RAD51B: variants seen among roughly 807,000 people sequenced by gnomAD.
RAD51B encodes the protein DNA repair protein RAD51 homolog 2.
A neutral mutation model predicts 42.2 loss-of-function variants in RAD51B; 38 were observed. The observed-to-expected ratio is 0.90, with a 90% CI of 0.70 to 1.18. The LOEUF is 1.18. Ranked by LOEUF, RAD51B falls within the 50% of genes most tolerant of loss-of-function variation. RAD51B has a pLI of 0.00. For synonymous variants in RAD51B, 154 were observed against 145.2 expected, an observed-to-expected ratio of 1.06 and a Z score of -0.43; for missense variants, 373 against 400.7, an observed-to-expected ratio of 0.93 and a Z score of 0.59.
At chr14:68,630,137 T>G (rs1892191459) in intron 10 of RAD51B, among the ~76,000 whole-genome samples, 1 of 151,308 alleles carries the variant, frequency 6.6e-6, no homozygotes, top group Non-Finnish European at 1.5e-5. Context: ...GAGTCTCTTC[T>G]CAGTACAGCC....
At chr14:68,598,451 CAG>C (rs560880976), downstream of RAD51B, among the ~76,000 whole-genome samples, 16 of 152,318 alleles carry the variant, frequency 1.1e-4, no homozygotes, top group East Asian at 2.9e-3. Flanking sequence ...GATAAAATCG[CAG>C]AGTGTCTAAT....
At chr14:68,003,957 A>G (rs1427919524) in intron 7 of RAD51B, among the ~76,000 whole-genome samples, 1 of 152,192 alleles carries the variant, frequency 6.6e-6, no homozygotes, top group Non-Finnish European at 1.5e-5. Flanking sequence ...AAGATAAATC[A>G]TATGGCTTTT....
intron 10 of RAD51B, among the ~76,000 whole-genome samples, chr14:68,601,365 T>C (rs920698174): frequency 2.0e-5 from 3 of 152,148 alleles, no homozygotes; most frequent in Admixed American, 2.0e-4. Context: ...TTTGTGACCT[T>C]GGTTGGCAGC....
At chr14:68,189,342 T>C (rs973800953) in intron 7 of RAD51B, among the ~76,000 whole-genome samples, 3 of 152,118 alleles carry the variant, frequency 2.0e-5, no homozygotes, top group Non-Finnish European at 2.9e-5. Flanking sequence ...TCATCTAGTG[T>C]CTATTTCTTT....
chr14:67,949,710 A>G (rs559758158), intron 7 of RAD51B, among the ~76,000 whole-genome samples: 2 of 152,308 alleles, frequency 1.3e-5, no homozygotes, highest in East Asian at 3.9e-4. Context: ...ATCACAATCT[A>G]TGGCAGAAAT....
At chr14:68,005,046 T>G (rs982132147) in intron 7 of RAD51B, among the ~76,000 whole-genome samples, 13 of 80,278 alleles carry the variant, frequency 1.6e-4, no homozygotes, top group South Asian at 1.4e-3. Flanking sequence ...TGTGTGTGTG[T>G]TTTTTTTTTT....
chr14:68,583,250 G>T, intron 10 of RAD51B, among the ~76,000 whole-genome samples: 1 of 152,330 alleles, frequency 6.6e-6, no homozygotes, highest in African/African-American at 2.4e-5. Flanking sequence ...TTACCTGACA[G>T]GTTTGTCTAC....
At chr14:68,374,087 A>C (rs2083314345) in intron 8 of RAD51B, among the ~76,000 whole-genome samples, 1 of 152,236 alleles carries the variant, frequency 6.6e-6, no homozygotes, top group South Asian at 2.1e-4. Flanking sequence ...AATGAAACTC[A>C]ACAAAGAAAT....
chr14:68,440,679 G>C (rs1463126310), intron 9 of RAD51B, among the ~76,000 whole-genome samples: 1 of 152,044 alleles, frequency 6.6e-6, no homozygotes, highest in Admixed American at 6.5e-5. Context: ...CTGGGAGGTG[G>C]AGGTTGCAGT....
chr14:68,260,477 A>G (rs1262891359), intron 7 of RAD51B, among the ~76,000 whole-genome samples: 1 of 152,134 alleles, frequency 6.6e-6, no homozygotes, highest in Non-Finnish European at 1.5e-5. Flanking sequence ...AGAAATTAAG[A>G]TCCAGACCCA....
At chr14:68,607,623 T>G (rs760805077) in intron 10 of RAD51B, among the ~76,000 whole-genome samples, 4 of 151,388 alleles carry the variant, frequency 2.6e-5, no homozygotes, top group Non-Finnish European at 4.4e-5. Flanking sequence ...GTTACAACTT[T>G]GCTCCTGGAT....
At chr14:68,662,604 A>T (rs1023520308) in intron 11 of RAD51B, among the ~76,000 whole-genome samples, 2 of 152,114 alleles carry the variant, frequency 1.3e-5, no homozygotes, top group Non-Finnish European at 2.9e-5. Flanking sequence ...CCTTGTTCTC[A>T]AGAGAGCCAT....
intron 4 of RAD51B, among the ~76,000 whole-genome samples, chr14:67,863,479 G>A (rs1254149119): frequency 6.6e-6 from 1 of 152,004 alleles, no homozygotes; most frequent in Non-Finnish European, 1.5e-5. Flanking sequence ...TCAAATCTGA[G>A]AACCACATAT....
At chr14:68,192,910 G>T (rs1358155823) in intron 7 of RAD51B, among the ~76,000 whole-genome samples, 1 of 152,120 alleles carries the variant, frequency 6.6e-6, no homozygotes, top group Non-Finnish European at 1.5e-5. Context: ...TTAGTGATAG[G>T]TTATATTTTC....
At chr14:68,224,250 T>A (rs1011403381) in intron 7 of RAD51B, among the ~76,000 whole-genome samples, 2 of 152,238 alleles carry the variant, frequency 1.3e-5, no homozygotes, top group African/African-American at 4.8e-5. Flanking sequence ...TAAAATTGCA[T>A]GACTCTGTTA....
At chr14:68,329,731 C>T (rs1448190074) in intron 8 of RAD51B, among the ~76,000 whole-genome samples, 2 of 152,010 alleles carry the variant, frequency 1.3e-5, no homozygotes, top group Non-Finnish European at 2.9e-5. Flanking sequence ...CCTATAATCC[C>T]AGCACTTTGG....
At chr14:68,209,616 C>A (rs958309923) in intron 7 of RAD51B, among the ~76,000 whole-genome samples, 3 of 152,142 alleles carry the variant, frequency 2.0e-5, no homozygotes, top group Non-Finnish European at 4.4e-5. Flanking sequence ...CTGAAAAATG[C>A]ACCAGTCCAC....
intron 8 of RAD51B, among the ~76,000 whole-genome samples, chr14:68,398,734 C>T (rs1211943572): frequency 1.3e-5 from 2 of 152,166 alleles, no homozygotes; most frequent in African/African-American, 4.8e-5. Flanking sequence ...AAAGGGCATT[C>T]TCCAGAATGA....
intron 7 of RAD51B, among the ~76,000 whole-genome samples, chr14:68,158,689 A>G (rs1217552152): frequency 2.0e-5 from 3 of 152,236 alleles, no homozygotes; most frequent in African/African-American, 7.2e-5. Flanking sequence ...TAAAAGTGGC[A>G]TATCGTAATG....
Sources: allele counts gnomAD v4.1 joint callset (sites outside exome capture counted in the v4.1 genomes callset), GRCh38; gene constraint gnomAD v4.1.1; transcripts MANE v1.5; gene names NCBI Gene and HGNC (gene_info 2026-07-23, HGNC 2026-07-21).